The following RAI14 variants were observed in gnomAD, a reference collection of about 807,000 sequenced individuals.
RAI14 encodes retinoic acid induced 14.
In RAI14, 45 loss-of-function variants were observed where a neutral mutation model predicts 115.4. The observed-to-expected ratio is 0.39, with a 90% CI of 0.31 to 0.50. The LOEUF (loss-of-function observed/expected upper bound fraction) is 0.50, where lower values mean the gene tolerates loss of function less well. RAI14 is among the 20% of genes least tolerant of loss of function. The pLI, the probability that RAI14 is intolerant of heterozygous loss-of-function variation, is 0.85. For synonymous variants in RAI14, 371 were observed against 415.4 expected, an observed-to-expected ratio of 0.89 and a Z score of 1.30; for missense variants, 939 against 1,131.2, an observed-to-expected ratio of 0.83 and a Z score of 2.44.
At chr5:34,792,277 A>G (rs1580275732) in intron 3 of RAI14, among the ~76,000 whole-genome samples, 1 of 124,796 alleles carries the variant, frequency 8.0e-6, no homozygotes, top group South Asian at 2.4e-4. Flanking sequence ...TCTGTCGCCC[A>G]GGCTGGAGTG....
intron 11 of RAI14, 46 bp downstream of exon 11, chr5:34,813,706 A>G: frequency 6.8e-7 from 1 of 1,474,586 alleles, no homozygotes. Flanking sequence ...ACCACAAGAA[A>G]GCCATAAATT....
chr5:34,811,696 G>T, intron 8 of RAI14, 71 bp from the exon 9 acceptor site: 2 of 1,357,590 alleles, frequency 1.5e-6, no homozygotes, highest in Admixed American at 2.4e-5. Context: ...CTTTTTTTAA[G>T]ACAACTGATT....
At chr5:34,751,661 A>G (rs549787638) in intron 2 of RAI14, among the ~76,000 whole-genome samples, 1 of 152,242 alleles carries the variant, frequency 6.6e-6, no homozygotes, top group South Asian at 2.1e-4. Flanking sequence ...CGACGTGATA[A>G]TTTATCCGTC....
chr5:34,686,971 C>T lies in RAI14; in HGVS notation c.36+16C>T. 6.2e-7 allele frequency: 1 copy of T among 1,613,430 alleles called. No homozygotes were observed. The highest frequency in any genetic ancestry group is 8.5e-7 in the Non-Finnish European group (1 of 1,179,646). On this transcript the variant is annotated intron_variant, in intron 2 of 17. Coordinates refer to ENST00000265109, the MANE Select transcript of RAI14 (RefSeq NM_015577.3). The stretch of plus-strand genomic sequence containing the variant: ...GAAGAGTGACGTGAGTATGCGGTGA[C>T]TCACAGTCTGGCTGTTCCTTCTTCT...
intron 12 of RAI14, among the ~76,000 whole-genome samples, chr5:34,816,531 G>A (rs1033865689): frequency 3.3e-5 from 5 of 152,060 alleles, no homozygotes; most frequent in Non-Finnish European, 7.4e-5. Flanking sequence ...GAAGTGGGAG[G>A]ATATTTCCAT....
intron 1 of RAI14, among the ~76,000 whole-genome samples, chr5:34,683,241 T>C (rs1744515482): frequency 6.6e-6 from 1 of 152,186 alleles, no homozygotes; most frequent in East Asian, 1.9e-4. Context: ...GAACTTCTTT[T>C]CCTTTGACAC....
intron 2 of RAI14, among the ~76,000 whole-genome samples, chr5:34,719,353 C>G (rs759195978): frequency 5.3e-5 from 8 of 152,172 alleles, no homozygotes; most frequent in Non-Finnish European, 1.0e-4. Context: ...CATGGTCTAG[C>G]CTTGGAAATC....
intron 2 of RAI14, among the ~76,000 whole-genome samples, chr5:34,696,564 C>G (rs905978487): frequency 6.6e-6 from 1 of 152,196 alleles, no homozygotes; most frequent in African/African-American, 2.4e-5. Flanking sequence ...CTGGCAGCCT[C>G]GAAACCAGTT....
intron 1 of RAI14, among the ~76,000 whole-genome samples, chr5:34,660,176 A>G (rs1337912040): frequency 6.6e-6 from 1 of 151,642 alleles, no homozygotes; most frequent in Non-Finnish European, 1.5e-5. Flanking sequence ...ACCCTGTCTC[A>G]GCTCCCAGCA....
At chr5:34,657,963 T>C (rs1011053623) in intron 1 of RAI14, among the ~76,000 whole-genome samples, 7 of 152,082 alleles carry the variant, frequency 4.6e-5, no homozygotes, top group Non-Finnish European at 1.0e-4. Flanking sequence ...GTGATTTTTT[T>C]CCCCCTTGGG....
intron 2 of RAI14, among the ~76,000 whole-genome samples, chr5:34,722,181 CA>C (rs1742846480): frequency 6.6e-6 from 1 of 150,912 alleles, no homozygotes; most frequent in Non-Finnish European, 1.5e-5. Flanking sequence ...TGTTGAAATC[CA>C]AACCCCCAGT....
intron 13 of RAI14, among the ~76,000 whole-genome samples, chr5:34,819,510 A>G (rs1338987844): frequency 6.6e-6 from 1 of 152,218 alleles, no homozygotes; most frequent in Non-Finnish European, 1.5e-5. Flanking sequence ...AAAGACAAGA[A>G]TGTTCATGAA....
chr5:34,658,928 C>T (rs1284517346), intron 1 of RAI14: 1 of 151,948 alleles, frequency 6.6e-6, no homozygotes, highest in Non-Finnish European at 1.5e-5. Context: ...CATACCTCTC[C>T]CCCCCCGGAA....
chr5:34,782,602 C>G (rs577591550), intron 3 of RAI14, among the ~76,000 whole-genome samples: 24 of 152,192 alleles, frequency 1.6e-4, no homozygotes, highest in African/African-American at 5.3e-4. Context: ...CTTTTTTATT[C>G]TTTCCCAAAA....
At position 34,786,154 on chromosome 5, in the gene RAI14, C is replaced by G. The variant is rs542684291; in HGVS notation, c.168-9785C>G. 9.8e-5 allele frequency among the ~76,000 whole-genome samples: 15 copies of G among 152,306 alleles called. No homozygotes were observed. In the South Asian group the frequency reaches 2.5e-3, roughly 25 times the overall value. On this transcript the variant is annotated intron_variant, in intron 3 of 17. Transcript: ENST00000265109. ...TTGGAACGGGGCCCGGGATGGGCCC[C>G]TCATGCCATTTCCCAAATTTAAAAG...
intron 1 of RAI14, among the ~76,000 whole-genome samples, chr5:34,662,003 G>T (rs1742726509): frequency 1.3e-5 from 2 of 152,150 alleles, no homozygotes; most frequent in African/African-American, 4.8e-5. Flanking sequence ...TTTCCAGGCT[G>T]GTCTTGAACT....
chr5:34,750,847 C>CTTTTT (rs1561309335), intron 2 of RAI14, among the ~76,000 whole-genome samples: 5 of 62,446 alleles, frequency 8.0e-5, no homozygotes, highest in African/African-American at 3.8e-4. Context: ...TTTGCTTTAT[C>CTTTTT]ATTTTTTTTT....
At chr5:34,803,807 G>A (rs1427656695) in intron 5 of RAI14, 31 bp downstream of exon 5, 20 of 1,580,706 alleles carry the variant, frequency 1.3e-5, no homozygotes, top group Admixed American at 1.7e-5. Context: ...AATTATAAAT[G>A]TGTCGGTTTT....
chr5:34,786,624 C>T (rs531314821), intron 3 of RAI14, among the ~76,000 whole-genome samples: 6 of 152,178 alleles, frequency 3.9e-5, no homozygotes, highest in Non-Finnish European at 8.8e-5. Context: ...GCTCCCCTTC[C>T]TACTCACCAC....
Sources: gnomAD v4.1 joint callset for allele counts (sites outside exome capture counted in the v4.1 genomes callset) on GRCh38, gnomAD v4.1.1 for gene constraint, MANE v1.5 for transcripts, NCBI Gene and HGNC (gene_info 2026-07-23, HGNC 2026-07-21) for gene names.